Variants in CCNI observed in about 807,000 individuals in gnomAD.
CCNI encodes cyclin I, also known as cyclin-I.
Under a neutral mutation model 34.1 loss-of-function variants are expected in CCNI, and 14 were observed. That is an observed-to-expected ratio of 0.41 (90% CI 0.27 to 0.64). The LOEUF is 0.64. CCNI is among the 30% of genes least tolerant of loss of function. The pLI, the probability that CCNI is intolerant of heterozygous loss-of-function variation, is 0.31. For synonymous variants in CCNI, 154 were observed against 158.4 expected (o/e 0.97, Z 0.21); for missense variants, 385 against 440.5 (o/e 0.87, Z 1.13).
intron 1 of CCNI, among the ~76,000 whole-genome samples, chr4:77,066,881 C>T (rs73829813): frequency 0.014 from 2,154 of 152,266 alleles, 53 homozygotes; most frequent in African/African-American, 0.049. Flanking sequence ...TCTTAAATTG[C>T]GCTTCCAATT....
In CCNI at chr4:77,061,668, G is replaced by T. The variant is rs143254044; in HGVS notation, c.115-3033C>A. Among the ~76,000 whole-genome samples, 1,176 of 151,904 alleles carry T rather than the reference G, an allele frequency of 7.7e-3. 19 individuals carry two copies. Among genetic ancestry groups the T allele is most frequent in the African/African-American group, 0.026 (1,099 of 41,476 alleles). On this transcript the variant is annotated intron_variant, in intron 2 of 6. Transcript: ENST00000237654. ...TATGACCTACCTCTTCTTTGTTGTT[G>T]TTGTTTTTGTTTTTTGTTTTTGAGA...
intron 3 of CCNI, among the ~76,000 whole-genome samples, chr4:77,057,934 C>A (rs945818630): frequency 1.3e-5 from 2 of 152,222 alleles, no homozygotes; most frequent in Non-Finnish European, 2.9e-5. Flanking sequence ...TCTGCTGATG[C>A]TATACGGTTT....
chr4:77,050,891 A>T (rs1727777945), intron 6 of CCNI, among the ~76,000 whole-genome samples: 1 of 152,164 alleles, frequency 6.6e-6, no homozygotes, highest in Non-Finnish European at 1.5e-5. Context: ...TATAGTGTAG[A>T]AATTATTTCT....
chr4:77,062,205 C>G (rs1242479990), intron 2 of CCNI, among the ~76,000 whole-genome samples: 3 of 152,166 alleles, frequency 2.0e-5, no homozygotes, highest in Non-Finnish European at 4.4e-5. Context: ...CCTGATAATT[C>G]AAGTTGGGCT....
At position 77,058,538 on chromosome 4, in the gene CCNI, C is replaced by T; in HGVS notation, c.212G>A (p.Ser71Asn). 6.2e-7 allele frequency: 1 copy of T among 1,613,580 alleles called. No homozygotes were observed. Among genetic ancestry groups the T allele is most frequent in the African/African-American group, 1.3e-5 (1 of 74,990 alleles). Residue 71 changes from serine (S) to asparagine (N), a missense_variant, in exon 3 of 7, where the codon AGT becomes AAT. Physicochemically the swap from Ser to Asn is conservative, Grantham distance 46. Coordinates refer to ENST00000237654, the MANE Select transcript of CCNI (RefSeq NM_006835.3). Reference protein sequence around the residue: ...LYPETFALASSLLDRFLATVK... With the variant: ...LYPETFALASNLLDRFLATVK... ...GGTAGCTAAAAACCTATCCAAAAGA[C>T]TGCTAGCCAGAGCAAATGTTTCTGG... is the stretch of plus-strand genomic sequence containing the variant.
intron 2 of CCNI, among the ~76,000 whole-genome samples, chr4:77,063,817 T>C (rs1728808193): frequency 6.6e-6 from 1 of 152,198 alleles, no homozygotes; most frequent in African/African-American, 2.4e-5. Context: ...ACCCAAATTT[T>C]ACAAGTATTA....
chr4:77,066,436 T>C (rs1215455739), intron 1 of CCNI, 31 bp from the exon 2 acceptor site: 18 of 1,561,598 alleles, frequency 1.2e-5, no homozygotes, highest in Non-Finnish European at 1.6e-5. Flanking sequence ...TAAAATTAGT[T>C]ATAGAATAAG....
intron 1 of CCNI, among the ~76,000 whole-genome samples, chr4:77,067,630 A>T (rs1729127672): frequency 6.7e-6 from 1 of 150,014 alleles, no homozygotes; most frequent in South Asian, 2.1e-4. Context: ...AGCTGGGACT[A>T]CAGATGCACA....
At chr4:77,073,103 G>A (rs1394465669) in intron 1 of CCNI, among the ~76,000 whole-genome samples, 1 of 152,164 alleles carries the variant, frequency 6.6e-6, no homozygotes, top group Non-Finnish European at 1.5e-5. Context: ...GTTACTGTAT[G>A]CCTATTGTTG....
chr4:77,069,962 T>C (rs1389986457), intron 1 of CCNI, among the ~76,000 whole-genome samples: 1 of 152,072 alleles, frequency 6.6e-6, no homozygotes, highest in South Asian at 2.1e-4. Context: ...TCACGATATT[T>C]TGCCTCTTCT....
chr4:77,075,803 G>C lies in CCNI; in HGVS notation c.-375C>G, dbSNP rs958946156. 6.5e-6 allele frequency: 1 copy of C among 152,718 alleles called. No individual in the cohort carries two copies. The highest frequency in any genetic ancestry group is 2.4e-5 in the African/African-American group (1 of 41,400). The allele number at this position is 152,718 out of a possible 1,614,324, so 9.5% of individuals were successfully genotyped here. A position where few individuals can be genotyped will look rare whatever the true frequency, so the allele number is the denominator to read the frequency against. On this transcript the variant is annotated 5_prime_UTR_variant, in exon 1 of 7. Coordinates refer to ENST00000237654, the MANE Select transcript of CCNI (RefSeq NM_006835.3). ...TCGCCATAGGGCGGCGGGGGCCGGGGAGAGGCGGGGGGTGAGACCGGCTCT... is the reference window on the plus strand; with the variant it reads ...TCGCCATAGGGCGGCGGGGGCCGGGCAGAGGCGGGGGGTGAGACCGGCTCT...
At chr4:77,062,926 C>A (rs185148446) in intron 2 of CCNI, among the ~76,000 whole-genome samples, 16 of 152,294 alleles carry the variant, frequency 1.1e-4, no homozygotes, top group Admixed American at 7.2e-4. Flanking sequence ...CTGAATGAAT[C>A]ATAAAGAAAT....
At chr4:77,050,263 C>T (rs1049069459) in intron 6 of CCNI, among the ~76,000 whole-genome samples, 1 of 152,136 alleles carries the variant, frequency 6.6e-6, no homozygotes, top group Non-Finnish European at 1.5e-5. Flanking sequence ...TCAGGGATCA[C>T]TTTTTTCCAG....
chr4:77,067,875 T>A (rs892217571), intron 1 of CCNI, among the ~76,000 whole-genome samples: 1 of 148,044 alleles, frequency 6.8e-6, no homozygotes, highest in Non-Finnish European at 1.5e-5. Context: ...ATTAAGAAAC[T>A]GCTAAAGAAT....
rs560023060 is a variant in CCNI at position 77,062,848 on chromosome 4, GA to G, written c.114+3400del. ...CAAATTCATGTAACAAAATTATCAT[GA>G]ACTTGAAAGTACTATTACATAATAT... On this transcript the variant is annotated intron_variant, in intron 2 of 6. Transcript: ENST00000237654. Among the ~76,000 whole-genome samples the G allele has an allele frequency of 8.5e-5, 13 of 152,308 alleles. No homozygotes were observed. In the South Asian group the frequency reaches 1.5e-3, roughly 17 times the overall value.
Position 77,048,652 on chromosome 4 carries a change from G to C in CCNI, c.701C>G (p.Ser234Cys). 1 of 1,526,354 alleles carries C rather than the reference G, an allele frequency of 6.6e-7. No individual in the cohort carries two copies. Among genetic ancestry groups the C allele is most frequent in the Non-Finnish European group, 8.8e-7 (1 of 1,137,728 alleles). The allele number at this position is 1,526,354 out of a possible 1,614,324, so 94.6% of individuals were successfully genotyped here. The change falls in exon 7 of 7, where the codon TCC (serine) becomes TGC (cysteine). Residue 234 changes from serine (S) to cysteine (C), a missense_variant. Transcript: ENST00000237654. ...ELLQKAQMDSSQLIHCRELVA... is the reference protein window; with the variant it reads ...ELLQKAQMDSCQLIHCRELVA... ...AAGCTCCCGACAATGGATCAACTGG[G>C]AGCTATCCATCTGGGCCAGGAAAAA... is the stretch of plus-strand genomic sequence containing the variant.
Position 77,075,664 on chromosome 4 carries a change from CGCTCGA to C in CCNI, c.-242_-237del. ...CGGGGGGCGCGGGCGCGGGCGCTGG[CGCTCGA>C]GCGGGACGCACGGCTGCGGCCGCTG... On this transcript the variant is annotated 5_prime_UTR_variant, in exon 1 of 7. Coordinates refer to ENST00000237654, the MANE Select transcript of CCNI (RefSeq NM_006835.3). The C allele has an allele frequency of 5.7e-6, 4 of 706,636 alleles. No individual in the cohort carries two copies. Among genetic ancestry groups the C allele is most frequent in the East Asian group, 2.7e-4 (2 of 7,464 alleles). The allele number at this position is 706,636 out of a possible 1,614,324, so 43.8% of individuals were successfully genotyped here.
At chr4:77,073,846 G>C (rs1465864357) in intron 1 of CCNI, among the ~76,000 whole-genome samples, 1 of 152,130 alleles carries the variant, frequency 6.6e-6, no homozygotes, top group Non-Finnish European at 1.5e-5. Context: ...TTAATCTCCA[G>C]AGTTGAGCAT....
intron 3 of CCNI, among the ~76,000 whole-genome samples, chr4:77,057,731 C>A (rs947022674): frequency 6.6e-6 from 1 of 152,136 alleles, no homozygotes; most frequent in East Asian, 1.9e-4. Flanking sequence ...CAAAAATATA[C>A]CAAAGTTGCT....
Sources: gnomAD v4.1 joint callset for allele counts (sites outside exome capture counted in the v4.1 genomes callset) on GRCh38, gnomAD v4.1.1 for gene constraint, MANE v1.5 for transcripts, NCBI Gene and HGNC (gene_info 2026-07-23, HGNC 2026-07-21) for gene names.